Variants in PCDHGA1 observed in about 807,000 individuals in gnomAD.
PCDHGA1 encodes the protein protocadherin gamma subfamily A, 1, also known as protocadherin gamma-A1.
PCDHGA1 carries 32 observed loss-of-function variants against 58.0 expected under a neutral mutation model. The ratio of observed to expected loss-of-function variants is 0.55; its 90% CI spans 0.42 to 0.74. The LOEUF is 0.74. Ranked by LOEUF, PCDHGA1 falls within the 30% of genes least tolerant of loss-of-function variation. The pLI, the probability that PCDHGA1 is intolerant of heterozygous loss-of-function variation, is 0.00. For synonymous variants in PCDHGA1, 498 were observed against 501.1 expected (o/e 0.99, Z 0.08); for missense variants, 1,205 against 1,182.3 (o/e 1.02, Z -0.28).
chr5:141,361,112 A>C, intron 1 of PCDHGA1: 1 of 1,613,908 alleles, frequency 6.2e-7, no homozygotes, highest in East Asian at 2.2e-5. Flanking sequence ...GATCCTGGAG[A>C]TCTAGCAGCC....
chr5:141,445,249 G>T (rs1337658576), intron 1 of PCDHGA1, among the ~76,000 whole-genome samples: 2 of 152,170 alleles, frequency 1.3e-5, no homozygotes, highest in Non-Finnish European at 2.9e-5. Context: ...ACTATATTGT[G>T]TGAGAATATA....
chr5:141,481,104 C>T (rs2099531861), intron 1 of PCDHGA1, among the ~76,000 whole-genome samples: 1 of 152,130 alleles, frequency 6.6e-6, no homozygotes. Context: ...ACTCTGGAAC[C>T]TACCAATCCA....
At position 141,476,764 on chromosome 5, in the gene PCDHGA1, G is replaced by A. The variant is rs570982273; in HGVS notation, c.2422-18043G>A. 1.2e-6 allele frequency: 2 copies of A among 1,613,794 alleles called. No homozygotes were observed. Reference sequence around the variant, plus strand: ...CTAGTCTCCAGTTAGTGCTGACGGCGTTGGACGGAGGGACCCCAGCTCTCT... The same window carrying A: ...CTAGTCTCCAGTTAGTGCTGACGGCATTGGACGGAGGGACCCCAGCTCTCT... On this transcript the variant is annotated intron_variant, in intron 1 of 3. Coordinates refer to ENST00000517417, the MANE Select transcript of PCDHGA1 (RefSeq NM_018912.3). The surrounding 1 kb of genome is among the most constrained non-coding windows in gnomAD (Gnocchi z 7.6).
intron 1 of PCDHGA1, among the ~76,000 whole-genome samples, chr5:141,480,959 C>A (rs1476891394): frequency 1.3e-5 from 2 of 152,086 alleles, no homozygotes; most frequent in East Asian, 3.8e-4. Flanking sequence ...GCGGAAGCAT[C>A]AGTGAGGGAG....
intron 1 of PCDHGA1, chr5:141,366,252 G>A (rs772676267): frequency 8.1e-6 from 13 of 1,613,596 alleles, no homozygotes; most frequent in Non-Finnish European, 1.1e-5. Context: ...CTCAAGCAGA[G>A]CCTCGTGGTG....
intron 1 of PCDHGA1, chr5:141,355,260 G>C (rs781255825): frequency 6.2e-7 from 1 of 1,613,426 alleles, no homozygotes; most frequent in Admixed American, 1.7e-5. Context: ...GCCTTCTCCT[G>C]GGGGTTCTGG....
At chr5:141,421,436 G>C (rs373015809) in intron 1 of PCDHGA1, 6 of 1,613,994 alleles carry the variant, frequency 3.7e-6, no homozygotes, top group African/African-American at 2.7e-5. Context: ...ATCGTCTCCA[G>C]AGGGAAGACA....
At chr5:141,383,220 C>T in intron 1 of PCDHGA1, 1 of 1,613,982 alleles carries the variant, frequency 6.2e-7, no homozygotes, top group East Asian at 2.2e-5. Context: ...TAAACTTTAA[C>T]ATCCTGATGG....
chr5:141,490,715 C>G lies in PCDHGA1; in HGVS notation c.2422-4092C>G, dbSNP rs757619272. The stretch of plus-strand genomic sequence containing the variant: ...GGGGATAATGCCCGCCTCACCTACT[C>G]CATTGTAGGAAATCAGGTTCAGGGA... On this transcript the variant is annotated intron_variant, in intron 1 of 3. Coordinates refer to ENST00000517417, the MANE Select transcript of PCDHGA1 (RefSeq NM_018912.3). This position sits in a 1 kb window ranked among gnomAD's most constrained non-coding sequence, Gnocchi z 5.4. 14 of 1,614,130 alleles carry G rather than the reference C, an allele frequency of 8.7e-6. No individual in the cohort carries two copies. Among genetic ancestry groups the G allele is most frequent in the Non-Finnish European group, 1.1e-5 (13 of 1,179,978 alleles).
intron 1 of PCDHGA1, chr5:141,339,268 C>A (rs1338021572): frequency 1.2e-6 from 2 of 1,614,090 alleles, no homozygotes; most frequent in Non-Finnish European, 1.7e-6. Context: ...GCGCTCAGAG[C>A]GCACCCTGTC....
At position 141,505,489 on chromosome 5, in the gene PCDHGA1, G is replaced by A. The variant is rs759637750; in HGVS notation, c.2569+8G>A. On this transcript the variant is annotated splice_region_variant and intron_variant, in intron 3 of 3. Coordinates refer to ENST00000517417, the MANE Select transcript of PCDHGA1 (RefSeq NM_018912.3). ...TCTTGGCGTCCGCCAGTGGTAAGTG[G>A]TGTCAGTGTGTGTATGGAAGAGTGG... The A allele has an allele frequency of 6.2e-7, 1 of 1,614,218 alleles. No homozygotes were observed. The highest frequency in any genetic ancestry group is 1.7e-5 in the Admixed American group (1 of 60,032).
intron 1 of PCDHGA1, chr5:141,428,075 A>G (rs1427780901): frequency 5.0e-6 from 8 of 1,609,154 alleles, no homozygotes; most frequent in Non-Finnish European, 4.2e-6. Context: ...CAGATTCGGG[A>G]CACAACGCTT....
intron 2 of PCDHGA1, among the ~76,000 whole-genome samples, chr5:141,497,880 T>C (rs2099780200): frequency 6.6e-6 from 1 of 152,170 alleles, no homozygotes; most frequent in Non-Finnish European, 1.5e-5. Context: ...GAAATAAGCG[T>C]TAGGATCTAG....
chr5:141,415,423 G>T (rs2154545734), intron 1 of PCDHGA1: 1 of 1,614,204 alleles, frequency 6.2e-7, no homozygotes, highest in Non-Finnish European at 8.5e-7. Context: ...CGTGGACGGG[G>T]TTCGGGCTTT....
chr5:141,492,037 C>A (rs556842734), intron 1 of PCDHGA1: 94 of 538,798 alleles, frequency 1.7e-4, no homozygotes, highest in Non-Finnish European at 2.5e-4. Flanking sequence ...AGGAGGCAGT[C>A]ACAGATCCAC....
In PCDHGA1 at chr5:141,352,432, A is replaced by G. The variant is rs1459496210; in HGVS notation, c.2421+19327A>G. The G allele has an allele frequency of 1.9e-6, 3 of 1,613,946 alleles. No homozygotes were observed. In the South Asian group the frequency reaches 3.3e-5, roughly 18 times the overall value. ...GCCTCGACACTGAGGGCTGCTTTCA[A>G]ACCGGTCTCTGCTCCAAGTCTGGGC... is the stretch of plus-strand genomic sequence containing the variant. On this transcript the variant is annotated intron_variant, in intron 1 of 3. Transcript: ENST00000517417.
chr5:141,498,523 G>A (rs555386753), intron 2 of PCDHGA1, among the ~76,000 whole-genome samples: 1 of 151,580 alleles, frequency 6.6e-6, no homozygotes, highest in Admixed American at 6.6e-5. Context: ...CTTGCCCACT[G>A]CCCTCCAGCC....
chr5:141,346,127 C>G (rs764043448), intron 1 of PCDHGA1: 1 of 1,613,914 alleles, frequency 6.2e-7, no homozygotes, highest in African/African-American at 1.3e-5. Context: ...TGGCGGTGGC[C>G]GCGGTCTCCT....
At chr5:141,397,543 G>A (rs547149193) in intron 1 of PCDHGA1, among the ~76,000 whole-genome samples, 17 of 152,282 alleles carry the variant, frequency 1.1e-4, no homozygotes, top group African/African-American at 3.8e-4. Flanking sequence ...TTTGAAATCA[G>A]TATAGTATGA....
Sources: gnomAD v4.1 joint callset for allele counts (sites outside exome capture counted in the v4.1 genomes callset) on GRCh38, gnomAD v4.1.1 for gene constraint, Gnocchi (gnomAD v3.1) non-coding constraint, MANE v1.5 for transcripts, NCBI Gene and HGNC (gene_info 2026-07-23, HGNC 2026-07-21) for gene names.